Variants in C18orf63 observed in about 807,000 individuals in gnomAD.
C18orf63 encodes uncharacterized protein C18orf63.
A neutral mutation model predicts 75.3 loss-of-function variants in C18orf63; 50 were observed. The ratio of observed to expected loss-of-function variants is 0.66; its 90% CI spans 0.53 to 0.84. The LOEUF (loss-of-function observed/expected upper bound fraction) is 0.84, where lower values mean the gene tolerates loss of function less well. C18orf63 is among the 40% of genes least tolerant of loss of function. The probability of loss-of-function intolerance (pLI) is 0.00; values close to 1 mark genes in which losing one functional copy is unlikely to be tolerated. For missense variants in C18orf63, 732 were observed against 800.2 expected, an observed-to-expected ratio of 0.91 and a Z score of 1.03; for synonymous variants, 232 against 267.6, an observed-to-expected ratio of 0.87 and a Z score of 1.30.
chr18:74,329,081 T>G, intron 6 of C18orf63, 45 bp downstream of exon 6: 1 of 1,236,400 alleles, frequency 8.1e-7, no homozygotes, highest in Non-Finnish European at 1.1e-6. Flanking sequence ...ATATAATTCA[T>G]AGTTGCTAAA....
intron 13 of C18orf63, among the ~76,000 whole-genome samples, chr18:74,355,831 G>A (rs554692451): frequency 6.6e-6 from 1 of 152,254 alleles, no homozygotes; most frequent in South Asian, 2.1e-4. Context: ...CCGAGAAGTG[G>A]AGATTGCAGT....
intron 5 of C18orf63, 93 bp downstream of exon 5, chr18:74,328,151 T>C: frequency 1.4e-6 from 1 of 733,898 alleles, no homozygotes; most frequent in Middle Eastern, 2.4e-4. Flanking sequence ...AATAAAGACA[T>C]ACTGGAGACT....
In C18orf63 at chr18:74,329,373, CAA is replaced by C. The variant is rs5826314; in HGVS notation, c.424+359_424+360del. Among the ~76,000 whole-genome samples, 293 of 94,302 alleles carry C rather than the reference CAA, an allele frequency of 3.1e-3. 1 individual carries two copies. Among genetic ancestry groups the C allele is most frequent in the Middle Eastern group, 8.1e-3 (1 of 124 alleles). 61.9% of individuals were successfully genotyped at this position (94,302 alleles called of 152,430 possible). A position where few individuals can be genotyped will look rare whatever the true frequency, so the allele number is the denominator to read the frequency against. On this transcript the variant is annotated intron_variant, in intron 6 of 13. Coordinates refer to ENST00000579455, the MANE Select transcript of C18orf63 (RefSeq NM_001174123.2). ...TGGGTGACAGAGCAAGACCCTATTT[CAA>C]AAAAAAAAAAAAAAAAAAAAACCAG...
chr18:74,351,344 T>C (rs1385648087), intron 11 of C18orf63, among the ~76,000 whole-genome samples: 1 of 152,230 alleles, frequency 6.6e-6, no homozygotes, highest in Non-Finnish European at 1.5e-5. Context: ...CATTGAGGTA[T>C]GGGTCTCGTT....
At chr18:74,352,885 G>GA (rs1264406305) in intron 11 of C18orf63, among the ~76,000 whole-genome samples, 17 of 152,190 alleles carry the variant, frequency 1.1e-4, no homozygotes, top group Non-Finnish European at 2.4e-4. Context: ...GTGGGAGAAG[G>GA]TGGGACTTTG....
intron 7 of C18orf63, among the ~76,000 whole-genome samples, chr18:74,336,485 C>T (rs1599005191): frequency 6.6e-6 from 1 of 152,128 alleles, no homozygotes; most frequent in Middle Eastern, 3.4e-3. Flanking sequence ...CTTGATTTAT[C>T]TGAAACTGAT....
chr18:74,340,393 G>C (rs7231679), intron 8 of C18orf63, among the ~76,000 whole-genome samples: 105,505 of 152,068 alleles, frequency 0.69, 36,930 homozygotes, highest in Non-Finnish European at 0.75. Context: ...GGAACACTTG[G>C]ACACTGTTGA....
intron 11 of C18orf63, among the ~76,000 whole-genome samples, chr18:74,349,668 TC>T (rs909605458): frequency 6.6e-6 from 1 of 151,252 alleles, no homozygotes; most frequent in Non-Finnish European, 1.5e-5. Context: ...TTCAAAACCA[TC>T]CCCCCCACCA....
At chr18:74,324,839 TA>T (rs1410706854) in intron 4 of C18orf63, among the ~76,000 whole-genome samples, 1 of 152,212 alleles carries the variant, frequency 6.6e-6, no homozygotes, top group African/African-American at 2.4e-5. Context: ...TTTCTATTCC[TA>T]TAAACTAAAT....
rs1984431950 is a variant in C18orf63 at position 74,338,746 on chromosome 18, T to A, written c.533T>A (p.Ile178Lys). ...GAGTTTGAGATTTCCCAGAGTATTA[T>A]AAAGGATTTTCATGCTAACAAGCAT... is the stretch of plus-strand genomic sequence containing the variant. ...LKEFEISQSI[I>K]KDFHANKHAV... Residue 178 changes from isoleucine (I) to lysine (K), a missense_variant, in exon 8 of 14, where the codon ATA becomes AAA. By Grantham distance (102) the Ile-to-Lys change is moderately radical (BLOSUM62 -3). Coordinates refer to ENST00000579455, the MANE Select transcript of C18orf63 (RefSeq NM_001174123.2). 17 of 1,401,864 alleles carry A rather than the reference T, an allele frequency of 1.2e-5. No individual in the cohort carries two copies. The highest frequency in any genetic ancestry group is 1.6e-5 in the Non-Finnish European group (17 of 1,063,576). The allele number at this position is 1,401,864 out of a possible 1,614,324, so 86.8% of individuals were successfully genotyped here.
At chr18:74,328,696 T>C (rs1984249696) in intron 5 of C18orf63, among the ~76,000 whole-genome samples, 1 of 152,178 alleles carries the variant, frequency 6.6e-6, no homozygotes, top group Admixed American at 6.5e-5. Context: ...ATGAGCACAA[T>C]ACTGTTAAAA....
intron 10 of C18orf63, among the ~76,000 whole-genome samples, chr18:74,342,787 G>T (rs1984510682): frequency 6.6e-6 from 1 of 152,044 alleles, no homozygotes; most frequent in Admixed American, 6.5e-5. Context: ...ATTGACTTAA[G>T]AAAATATCTT....
intron 8 of C18orf63, among the ~76,000 whole-genome samples, chr18:74,341,165 G>A (rs1208290664): frequency 1.3e-5 from 2 of 151,016 alleles, no homozygotes; most frequent in Non-Finnish European, 2.9e-5. Flanking sequence ...TTGGGAGGCT[G>A]AGGCAGGAGA....
intron 11 of C18orf63, among the ~76,000 whole-genome samples, chr18:74,348,390 C>A (rs200793785): frequency 7.3e-6 from 1 of 136,636 alleles, no homozygotes; most frequent in Non-Finnish European, 1.6e-5. Flanking sequence ...TTGAAGCAAG[C>A]AAGAAATACA....
In C18orf63 at chr18:74,353,250, A is replaced by G; in HGVS notation, c.983A>G (p.His328Arg). The change falls in exon 12 of 14, where the codon CAC becomes CGC. Residue 328 changes from histidine to arginine, a missense_variant. Coordinates refer to ENST00000579455, the MANE Select transcript of C18orf63 (RefSeq NM_001174123.2). ...QELTKPNIQE[H>R]KVKPPNLTTK... ...TTTAATCTCTATCCTTTTCAGGAAC[A>G]CAAAGTCAAGCCACCCAATTTGACC... The G allele has an allele frequency of 6.5e-7, 1 of 1,532,250 alleles. No individual in the cohort carries two copies. The highest frequency in any genetic ancestry group is 8.7e-7 in the Non-Finnish European group (1 of 1,144,086). 94.9% of individuals were successfully genotyped at this position (1,532,250 alleles called of 1,614,324 possible). A position where few individuals can be genotyped will look rare whatever the true frequency, so the allele number is the denominator to read the frequency against.
chr18:74,321,781 GCTAT>G (rs1385503206), intron 3 of C18orf63, among the ~76,000 whole-genome samples: 2 of 151,700 alleles, frequency 1.3e-5, no homozygotes, highest in Non-Finnish European at 2.9e-5. Context: ...GAGGAAAGTA[GCTAT>G]CTGTTTTTAA....
At chr18:74,341,590 G>T (rs978699830) in intron 8 of C18orf63, among the ~76,000 whole-genome samples, 4 of 152,050 alleles carry the variant, frequency 2.6e-5, no homozygotes, top group African/African-American at 9.7e-5. Context: ...CAGGAGAATC[G>T]CTTGAACGAT....
intron 1 of C18orf63, among the ~76,000 whole-genome samples, chr18:74,317,368 A>G (rs1280006432): frequency 6.6e-6 from 1 of 152,274 alleles, no homozygotes. Flanking sequence ...GTAACAATTT[A>G]GAGACCAGTA....
intron 5 of C18orf63, 84 bp downstream of exon 5, chr18:74,328,142 A>G: frequency 1.2e-6 from 1 of 809,086 alleles, no homozygotes; most frequent in East Asian, 2.7e-5. Flanking sequence ...CATGCTGCTA[A>G]TAAAGACATA....
Sources: allele counts gnomAD v4.1 joint callset (sites outside exome capture counted in the v4.1 genomes callset), GRCh38; gene constraint gnomAD v4.1.1; transcripts MANE v1.5; gene names NCBI Gene and HGNC (gene_info 2026-07-23, HGNC 2026-07-21).